PCDHGB2: variants seen among roughly 807,000 people sequenced by gnomAD.
PCDHGB2 encodes the protein protocadherin gamma-B2.
Under a neutral mutation model 59.3 loss-of-function variants are expected in PCDHGB2, and 55 were observed. The observed-to-expected ratio is 0.93, with a 90% confidence interval of 0.75 to 1.16. The LOEUF is 1.16. Ranked by LOEUF, PCDHGB2 falls within the 50% of genes most tolerant of loss-of-function variation. The pLI is 0.00. For synonymous variants in PCDHGB2, 516 were observed against 512.0 expected (o/e 1.01, Z -0.11); for missense variants, 1,228 against 1,198.5 (o/e 1.02, Z -0.36).
chr5:141,467,296 A>G lies in PCDHGB2; in HGVS notation c.2422-27511A>G, dbSNP rs1032802325. Among the ~76,000 whole-genome samples the G allele has an allele frequency of 6.6e-5, 10 of 151,858 alleles. No individual in the cohort carries two copies. The East Asian group carries it at 9.7e-4, about 15-fold the overall frequency. On this transcript the variant is annotated intron_variant, in intron 1 of 3. Transcript: ENST00000522605. The stretch of plus-strand genomic sequence containing the variant: ...TCGAACTCTTGACCTCAAGTGATCC[A>G]CTCACCTCGGCCTCCCACAGTGCTG...
chr5:141,431,111 G>A lies in PCDHGB2; in HGVS notation c.2422-63696G>A, dbSNP rs2097343539. The A allele has an allele frequency of 1.9e-6, 3 of 1,614,110 alleles. No individual in the cohort carries two copies. Among genetic ancestry groups the A allele is most frequent in the Non-Finnish European group, 2.5e-6 (3 of 1,180,034 alleles). On this transcript the variant is annotated intron_variant, in intron 1 of 3. Coordinates refer to ENST00000522605, the MANE Select transcript of PCDHGB2 (RefSeq NM_018923.3). This position sits in a 1 kb window ranked among gnomAD's most constrained non-coding sequence, Gnocchi z 4.8. ...GATGGAGGATAAAGTGAAAATATAT[G>A]GAGTAGAAGTAGAAGTAAGGGACAT...
intron 1 of PCDHGB2, chr5:141,395,397 A>C: frequency 1.1e-6 from 1 of 895,314 alleles, no homozygotes; most frequent in Non-Finnish European, 1.6e-6. Flanking sequence ...TTGAACTCTA[A>C]TAGTCATAGG....
intron 1 of PCDHGB2, chr5:141,378,226 T>C (rs1774724615): frequency 6.6e-6 from 1 of 152,206 alleles, no homozygotes; most frequent in Admixed American, 6.5e-5. Context: ...TGCCTGATAG[T>C]ATTTAAGAGT....
chr5:141,432,288 A>C lies in PCDHGB2; in HGVS notation c.2422-62519A>C. ...TCGTCCTACGTGTCCATCAACTCCG[A>C]CACTGGGGTACTGTATGCGCTGAGC... On this transcript the variant is annotated intron_variant, in intron 1 of 3. Coordinates refer to ENST00000522605, the MANE Select transcript of PCDHGB2 (RefSeq NM_018923.3). This position sits in a 1 kb window ranked among gnomAD's most constrained non-coding sequence, Gnocchi z 6.0. 1 of 1,614,192 alleles carries C rather than the reference A, an allele frequency of 6.2e-7. No individual in the cohort carries two copies. Among genetic ancestry groups the C allele is most frequent in the Non-Finnish European group, 8.5e-7 (1 of 1,180,018 alleles).
rs764538527 is a variant in PCDHGB2 at position 141,361,272 on chromosome 5, T to A, written c.1137T>A (p.Asn379Lys). 6 of 1,613,890 alleles carry A rather than the reference T, an allele frequency of 3.7e-6. No individual in the cohort carries two copies. In the South Asian group the frequency reaches 6.6e-5, roughly 18 times the overall value. Residue 379 changes from asparagine to lysine, a missense_variant, in exon 1 of 4, where the codon AAT becomes AAA. Physicochemically the swap from Asn to Lys is moderately conservative, Grantham distance 94 (BLOSUM62 0). Transcript: ENST00000522605. Reference protein sequence around the residue: ...IKTRDRDSGENGEVYCQVLGN... With the variant: ...IKTRDRDSGEKGEVYCQVLGN... ...CGAGAGACAGAGACTCTGGAGAAAA[T>A]GGAGAAGTTTACTGCCAAGTGTTGG...
At chr5:141,362,596 G>T (rs1762590213) in intron 1 of PCDHGB2, 40 bp downstream of exon 1, 2 of 1,584,024 alleles carry the variant, frequency 1.3e-6, no homozygotes, top group Non-Finnish European at 1.7e-6. Context: ...TGGTTTTATT[G>T]TTTCACCTAA....
chr5:141,400,491 T>A, intron 1 of PCDHGB2: 1 of 1,614,080 alleles, frequency 6.2e-7, no homozygotes, highest in Non-Finnish European at 8.5e-7. Flanking sequence ...TTCCACTTTG[T>A]AATTCCAGCG....
At chr5:141,495,015 G>C in intron 2 of PCDHGB2, 150 bp downstream of exon 2, 2 of 1,507,428 alleles carry the variant, frequency 1.3e-6, no homozygotes, top group East Asian at 4.9e-5. Flanking sequence ...CGGGGGGCTG[G>C]CACACAGACC....
At position 141,399,508 on chromosome 5, in the gene PCDHGB2, A is replaced by C. The variant is rs780948105; in HGVS notation, c.2421+36952A>C. ...CTACTTAGTCAGTGTACCCGAAAAC[A>C]ACCCTCCTGGGGCCTCCATCGCGCA... On this transcript the variant is annotated intron_variant, in intron 1 of 3. Coordinates refer to ENST00000522605, the MANE Select transcript of PCDHGB2 (RefSeq NM_018923.3). 3.2e-5 allele frequency: 51 copies of C among 1,613,904 alleles called. No homozygotes were observed. In the African/African-American group the frequency reaches 6.7e-4, roughly 21 times the overall value.
intron 1 of PCDHGB2, among the ~76,000 whole-genome samples, chr5:141,492,745 C>G (rs2099743569): frequency 6.6e-6 from 1 of 152,262 alleles, no homozygotes; most frequent in Non-Finnish European, 1.5e-5. Flanking sequence ...GTGGCCGAGG[C>G]GCGGCAGGGC....
At position 141,447,890 on chromosome 5, in the gene PCDHGB2, A is replaced by AC. The variant is rs1252174829; in HGVS notation, c.2422-46917_2422-46916insC. On this transcript the variant is annotated intron_variant, in intron 1 of 3. Transcript: ENST00000522605. ...CATCTGAGGTCAGGAGTTCGAGACCAGCCTGGCCAACATGGTGAAACTCTG... is the reference window on the plus strand; with the variant it reads ...CATCTGAGGTCAGGAGTTCGAGACCACGCCTGGCCAACATGGTGAAACTCTG... 1.3e-5 allele frequency among the ~76,000 whole-genome samples: 2 copies of AC among 152,146 alleles called. 1 individual carries two copies. The highest frequency in any genetic ancestry group is 4.8e-5 in the African/African-American group (2 of 41,434).
At chr5:141,388,657 G>A (rs769160604) in intron 1 of PCDHGB2, 2 of 1,613,760 alleles carry the variant, frequency 1.2e-6, no homozygotes, top group Admixed American at 1.7e-5. Context: ...GTGTACCCGG[G>A]GACCACGGTG....
rs1386791249 is a variant in PCDHGB2 at position 141,511,417 on chromosome 5, G to A, written c.*244G>A. 1.2e-6 allele frequency: 1 copy of A among 835,942 alleles called. No homozygotes were observed. Among genetic ancestry groups the A allele is most frequent in the African/African-American group, 1.7e-5 (1 of 58,154 alleles). The allele number at this position is 835,942 out of a possible 1,614,324, so 51.8% of individuals were successfully genotyped here. A position where few individuals can be genotyped will look rare whatever the true frequency, so the allele number is the denominator to read the frequency against. The stretch of plus-strand genomic sequence containing the variant: ...CCATCCAATCAACTGCTGTACCCAT[G>A]GGGGTAGTGGGGTTACTGTAGACAC... On this transcript the variant is annotated 3_prime_UTR_variant, in exon 4 of 4. Transcript: ENST00000522605.
intron 1 of PCDHGB2, chr5:141,367,404 GCA>G (rs1765111997): frequency 2.0e-5 from 3 of 152,244 alleles, no homozygotes; most frequent in African/African-American, 7.2e-5. Flanking sequence ...GGGCGTGGTG[GCA>G]GGCGCCTGTA....
intron 1 of PCDHGB2, among the ~76,000 whole-genome samples, chr5:141,381,134 C>T (rs1034042035): frequency 2.0e-5 from 3 of 152,196 alleles, no homozygotes; most frequent in African/African-American, 7.2e-5. Context: ...GGAGCAATGC[C>T]ACCAGAAAGC....
At chr5:141,383,850 G>T (rs893832219) in intron 1 of PCDHGB2, 2 of 1,613,808 alleles carry the variant, frequency 1.2e-6, no homozygotes, top group African/African-American at 2.7e-5. Context: ...TCTATGAAAT[G>T]GAGGTTCAGG....
chr5:141,409,919 G>C (rs774277848), intron 1 of PCDHGB2: 1 of 1,613,346 alleles, frequency 6.2e-7, no homozygotes, highest in South Asian at 1.1e-5. Flanking sequence ...TGACGGCTCC[G>C]CGTTCTTCGA....
chr5:141,421,838 A>G (rs2096604619), intron 1 of PCDHGB2: 1 of 1,613,764 alleles, frequency 6.2e-7, no homozygotes, highest in East Asian at 2.2e-5. Flanking sequence ...CTGGACCGAG[A>G]GAAAGAGGCT....
At chr5:141,383,599 G>T in intron 1 of PCDHGB2, 2 of 1,613,742 alleles carry the variant, frequency 1.2e-6, no homozygotes, top group Non-Finnish European at 8.5e-7. Flanking sequence ...GACAGTGGTG[G>T]ATGTGAATGA....
Sources: gnomAD v4.1 joint callset for allele counts (sites outside exome capture counted in the v4.1 genomes callset) on GRCh38, gnomAD v4.1.1 for gene constraint, Gnocchi (gnomAD v3.1) non-coding constraint, MANE v1.5 for transcripts, NCBI Gene and HGNC (gene_info 2026-07-23, HGNC 2026-07-21) for gene names.